Variants in CASK observed in about 807,000 individuals in gnomAD.
CASK encodes calcium/calmodulin dependent serine protein kinase.
Under a neutral mutation model 82.9 loss-of-function variants are expected in CASK, and 4 were observed. The ratio of observed to expected loss-of-function variants is 0.05; its 90% CI spans 0.02 to 0.11. The LOEUF is 0.11. CASK is among the 10% of genes least tolerant of loss of function. The pLI is 1.00. For missense variants in CASK, 358 were observed against 720.9 expected, an observed-to-expected ratio of 0.50 and a Z score of 5.76; for synonymous variants, 259 against 253.5, an observed-to-expected ratio of 1.02 and a Z score of -0.20.
intron 5 of CASK, among the ~76,000 whole-genome samples, chrX:41,699,834 A>C (rs1384227540): frequency 9.0e-6 from 1 of 111,564 alleles, no homozygotes; most frequent in African/African-American, 3.3e-5. Flanking sequence ...AAGGTTTCTA[A>C]ATTTTTAGAA....
intron 1 of CASK, among the ~76,000 whole-genome samples, chrX:41,864,901 G>A (rs1381709650): frequency 8.9e-6 from 1 of 112,081 alleles, no homozygotes; most frequent in Non-Finnish European, 1.9e-5. Context: ...TCAGCTCAGT[G>A]CAGGGCAGCA....
intron 1 of CASK, among the ~76,000 whole-genome samples, chrX:41,862,633 T>C (rs2071514213): frequency 1.9e-5 from 2 of 107,759 alleles, no homozygotes; most frequent in South Asian, 4.2e-4. Context: ...GAGAAGTGGC[T>C]GGAAAAGGAA....
In CASK at chrX:41,614,664, G is replaced by A. The variant is rs191088979; in HGVS notation, c.1034-4639C>T. Among the ~76,000 whole-genome samples, 135 of 110,929 alleles carry A rather than the reference G, an allele frequency of 1.2e-3. 1 individual carries two copies. The highest frequency in any genetic ancestry group is 4.1e-3 in the African/African-American group (126 of 30,497). On this transcript the variant is annotated intron_variant, in intron 11 of 26. Coordinates refer to ENST00000378163, the MANE Select transcript of CASK (RefSeq NM_001367721.1). The stretch of plus-strand genomic sequence containing the variant: ...AGCATCCTGAGTAGCGGGGATTACA[G>A]GTGCGTGCCAACACGCCCAGCTAAT...
At chrX:41,520,640 G>A in intron 26 of CASK, 44 bp from the exon 27 acceptor site, 2 of 1,047,753 alleles carry the variant, frequency 1.9e-6, no homozygotes, top group Non-Finnish European at 2.7e-6. Context: ...ATGAGAGGAG[G>A]GAAAAGCAAA....
intron 26 of CASK, among the ~76,000 whole-genome samples, chrX:41,521,218 A>G (rs2064632870): frequency 8.9e-6 from 1 of 112,591 alleles, no homozygotes; most frequent in Non-Finnish European, 1.9e-5. Flanking sequence ...ACTCAATAGC[A>G]GCTGATGCCA....
intron 5 of CASK, among the ~76,000 whole-genome samples, chrX:41,680,924 A>AT (rs1271870003): frequency 1.8e-5 from 2 of 111,166 alleles, no homozygotes; most frequent in Non-Finnish European, 3.8e-5. Flanking sequence ...TCAAAAAAAA[A>AT]AAATAAATAA....
chrX:41,916,678 A>C (rs2072695809), intron 1 of CASK, among the ~76,000 whole-genome samples: 1 of 112,071 alleles, frequency 8.9e-6, no homozygotes, highest in Non-Finnish European at 1.9e-5. Flanking sequence ...TTTCAGAATC[A>C]GAGAGAACAA....
chrX:41,597,844 A>G (rs113372538), intron 12 of CASK, among the ~76,000 whole-genome samples: 14 of 111,286 alleles, frequency 1.3e-4, no homozygotes, highest in African/African-American at 3.9e-4. Context: ...AAGTTTACAT[A>G]TAAACTTGTT....
chrX:41,837,143 C>G (rs1046788309), intron 2 of CASK, among the ~76,000 whole-genome samples: 2 of 111,834 alleles, frequency 1.8e-5, no homozygotes, highest in African/African-American at 6.5e-5. Context: ...TAAGGGAAAC[C>G]TTACAATTTT....
chrX:41,820,059 G>A (rs1248104929), intron 2 of CASK, among the ~76,000 whole-genome samples: 1 of 111,120 alleles, frequency 9.0e-6, no homozygotes, highest in Non-Finnish European at 1.9e-5. Context: ...ATACAGAATG[G>A]AAAGAAATAA....
chrX:41,798,572 C>T (rs933296351), intron 2 of CASK, among the ~76,000 whole-genome samples: 1 of 112,668 alleles, frequency 8.9e-6, no homozygotes, highest in Non-Finnish European at 1.9e-5. Flanking sequence ...CGGTGGCTCA[C>T]GCCTGTAATC....
At chrX:41,912,257 G>A (rs1436562306) in intron 1 of CASK, among the ~76,000 whole-genome samples, 1 of 106,735 alleles carries the variant, frequency 9.4e-6, no homozygotes, top group Non-Finnish European at 1.9e-5. Context: ...GGGTTGGAGT[G>A]CAGTGATTAC....
chrX:41,850,733 TG>T (rs1273097482), intron 2 of CASK, among the ~76,000 whole-genome samples: 2 of 111,723 alleles, frequency 1.8e-5, no homozygotes, highest in Admixed American at 9.5e-5. Flanking sequence ...AATTTGTAAA[TG>T]GACCAGAAGA....
chrX:41,797,282 C>G (rs1284653986), intron 2 of CASK, among the ~76,000 whole-genome samples: 2 of 109,754 alleles, frequency 1.8e-5, no homozygotes, highest in African/African-American at 6.6e-5. Context: ...AAATGTTGTT[C>G]CCTCTGTATG....
chrX:41,759,923 CT>C (rs2068969939), intron 3 of CASK, among the ~76,000 whole-genome samples: 1 of 111,301 alleles, frequency 9.0e-6, no homozygotes, highest in Admixed American at 9.6e-5. Context: ...ATATTTACCT[CT>C]TTTTTCTTCT....
At chrX:41,776,097 A>G (rs1223002827) in intron 3 of CASK, among the ~76,000 whole-genome samples, 1 of 112,416 alleles carries the variant, frequency 8.9e-6, no homozygotes, top group Non-Finnish European at 1.9e-5. Flanking sequence ...TACATAAACC[A>G]GTAACAGAGT....
In CASK at chrX:41,622,629, G is replaced by C. The variant is rs368238302; in HGVS notation, c.1021C>G (p.Leu341Val). The C allele has an allele frequency of 4.2e-6, 5 of 1,193,219 alleles. No individual in the cohort carries two copies. The highest frequency in any genetic ancestry group is 5.7e-6 in the Non-Finnish European group (5 of 883,769). Residue 341 changes from leucine to valine, a missense_variant, in exon 11 of 27, where the codon CTA becomes GTA. This residue lies in a region of CASK where 110 missense variants were observed against 218.8 expected (regional missense o/e 0.50). Transcript: ENST00000378163. ...AAGGGATACCTACTTTCTGCTGCTA[G>C]AAGTCCTAGGAGGAAGGCAGCATAT... ...FSEDPTSSGL[L>V]AAERAVSQVL... is the part of the protein sequence containing the mutation.
chrX:41,791,311 C>T (rs1238301378), intron 2 of CASK, among the ~76,000 whole-genome samples: 1 of 109,745 alleles, frequency 9.1e-6, no homozygotes, highest in Non-Finnish European at 1.9e-5. Flanking sequence ...CCCCTCCCAC[C>T]CTTCCCCCAA....
chrX:41,892,184 C>A (rs1271558403), intron 1 of CASK, among the ~76,000 whole-genome samples: 3 of 109,315 alleles, frequency 2.7e-5, no homozygotes, highest in Non-Finnish European at 5.7e-5. Context: ...CAGACTGAGA[C>A]CCTGTCTCAA....
Sources: gnomAD v4.1 joint callset for allele counts (sites outside exome capture counted in the v4.1 genomes callset) on GRCh38, gnomAD v4.1.1 for gene constraint, gnomAD v4.1.1 regional missense constraint, MANE v1.5 for transcripts, NCBI Gene and HGNC (gene_info 2026-07-23, HGNC 2026-07-21) for gene names.